Variants in MINDY4B observed in about 807,000 individuals in gnomAD.
The protein encoded by MINDY4B is inactive ubiquitin carboxyl-terminal hydrolase MINDY-4B.
A neutral mutation model predicts 16.7 loss-of-function variants in MINDY4B; 25 were observed. The ratio of observed to expected loss-of-function variants is 1.49; its 90% CI spans 1.09 to 2.09. The LOEUF is 2.09. MINDY4B is among the 30% of genes most tolerant of loss of function. The pLI is 0.00. For synonymous variants in MINDY4B, 132 were observed against 61.9 expected (o/e 2.13, Z -5.32); for missense variants, 327 against 168.4 (o/e 1.94, Z -5.21).
At position 150,905,320 on chromosome 3, in the gene MINDY4B, A is replaced by T; in HGVS notation, c.113+7T>A. ...TCTAAAGAAATGAGAGAATGAGAAC[A>T]CCTTACCTGTGATAACTAAAGATTT... On this transcript the variant is annotated splice_region_variant and intron_variant, in intron 1 of 11. Transcript: ENST00000465419. The T allele has an allele frequency of 2.5e-6, 1 of 398,542 alleles. No homozygotes were observed. Among genetic ancestry groups the T allele is most frequent in the East Asian group, 3.6e-5 (1 of 28,080 alleles). The allele number at this position is 398,542 out of a possible 1,614,324, so 24.7% of individuals were successfully genotyped here.
chr3:150,886,391 A>G (rs1711624240), intron 7 of MINDY4B, among the ~76,000 whole-genome samples: 1 of 152,246 alleles, frequency 6.6e-6, no homozygotes, highest in African/African-American at 2.4e-5. Context: ...CTCAGGTAGC[A>G]GAATAAATTC....
intron 10 of MINDY4B, among the ~76,000 whole-genome samples, chr3:150,875,305 A>C (rs1717062171): frequency 6.6e-6 from 1 of 152,232 alleles, no homozygotes; most frequent in Non-Finnish European, 1.5e-5. Context: ...TAATCAAAAT[A>C]TGTTATACAG....
intron 10 of MINDY4B, among the ~76,000 whole-genome samples, chr3:150,880,236 C>T (rs947590162): frequency 3.9e-5 from 6 of 152,180 alleles, no homozygotes; most frequent in African/African-American, 1.4e-4. Context: ...GCCAAGCCTG[C>T]CGATTTCCAG....
intron 10 of MINDY4B, among the ~76,000 whole-genome samples, chr3:150,880,018 T>C (rs1475793317): frequency 6.6e-6 from 1 of 152,252 alleles, no homozygotes; most frequent in Admixed American, 6.5e-5. Context: ...TATTATAAAG[T>C]CTTATATGTC....
At chr3:150,902,957 C>T (rs1482168254) in intron 3 of MINDY4B, among the ~76,000 whole-genome samples, 1 of 152,158 alleles carries the variant, frequency 6.6e-6, no homozygotes, top group Non-Finnish European at 1.5e-5. Flanking sequence ...TCCTATCCTA[C>T]CTTCTATAGT....
intron 11 of MINDY4B, among the ~76,000 whole-genome samples, chr3:150,872,376 C>T: frequency 6.6e-6 from 1 of 152,210 alleles, no homozygotes; most frequent in Non-Finnish European, 1.5e-5. Flanking sequence ...TGGAAGATTA[C>T]TTAATGCCAG....
In MINDY4B at chr3:150,870,511, C is replaced by G. The variant is rs1428057679; in HGVS notation, c.*534G>C. Among the ~76,000 whole-genome samples, 1 of 152,178 alleles carries G rather than the reference C, an allele frequency of 6.6e-6. No homozygotes were observed. The highest frequency in any genetic ancestry group is 6.5e-5 in the Admixed American group (1 of 15,284). On this transcript the variant is annotated 3_prime_UTR_variant, in exon 12 of 12. Transcript: ENST00000465419. ...TACCAGGAATAACCCCTGCTTCAAA[C>G]CCCAAGAAGCCCATTTACTATTTTA...
At chr3:150,903,879 G>A (rs558566796) in intron 2 of MINDY4B, among the ~76,000 whole-genome samples, 176 of 150,160 alleles carry the variant, frequency 1.2e-3, no homozygotes, top group African/African-American at 3.6e-3. Flanking sequence ...GAGTATAATC[G>A]TTCTTTTTCC....
intron 3 of MINDY4B, among the ~76,000 whole-genome samples, chr3:150,899,147 G>T (rs1271567341): frequency 6.6e-6 from 1 of 152,168 alleles, no homozygotes; most frequent in Non-Finnish European, 1.5e-5. Flanking sequence ...ATAGGTATCT[G>T]TTGAAGTTTT....
At chr3:150,889,505 C>T (rs1454289471) in intron 7 of MINDY4B, among the ~76,000 whole-genome samples, 1 of 152,238 alleles carries the variant, frequency 6.6e-6, no homozygotes, top group East Asian at 1.9e-4. Flanking sequence ...GACTAACAAC[C>T]TTAATATCCC....
intron 3 of MINDY4B, among the ~76,000 whole-genome samples, chr3:150,900,959 A>G (rs1712100786): frequency 6.6e-6 from 1 of 152,218 alleles, no homozygotes; most frequent in South Asian, 2.1e-4. Context: ...AGAGACAAAA[A>G]GGTATGTGGT....
intron 10 of MINDY4B, among the ~76,000 whole-genome samples, chr3:150,879,817 AG>A (rs1480569252): frequency 6.6e-6 from 1 of 152,198 alleles, no homozygotes; most frequent in Non-Finnish European, 1.5e-5. Context: ...ATGTGCAGTC[AG>A]GGTTGACATC....
intron 10 of MINDY4B, among the ~76,000 whole-genome samples, chr3:150,881,416 T>C (rs2107898686): frequency 6.6e-6 from 1 of 151,816 alleles, no homozygotes; most frequent in East Asian, 1.9e-4. Flanking sequence ...TATACTCATA[T>C]TTGATATTAA....
chr3:150,876,071 T>A (rs539865744), intron 10 of MINDY4B, among the ~76,000 whole-genome samples: 2 of 152,340 alleles, frequency 1.3e-5, no homozygotes, highest in South Asian at 4.1e-4. Flanking sequence ...AATTTGTGCA[T>A]GTTGCTTCAT....
At chr3:150,882,564 G>GTATATATATATATATATATATATATA (rs59302082) in intron 10 of MINDY4B, among the ~76,000 whole-genome samples, 2 of 148,016 alleles carry the variant, frequency 1.4e-5, no homozygotes, top group African/African-American at 5.0e-5. Flanking sequence ...GTGTATGTGT[G>GTATATATATATATATATATATATATA]TATATATATA....
At chr3:150,904,122 C>T (rs1712184110) in intron 2 of MINDY4B, among the ~76,000 whole-genome samples, 1 of 152,232 alleles carries the variant, frequency 6.6e-6, no homozygotes, top group Non-Finnish European at 1.5e-5. Context: ...AGAAGCACAG[C>T]ATTCAAATCA....
chr3:150,903,879 G>T (rs558566796), intron 2 of MINDY4B, among the ~76,000 whole-genome samples: 1 of 150,048 alleles, frequency 6.7e-6, no homozygotes, highest in East Asian at 2.0e-4. Context: ...GAGTATAATC[G>T]TTCTTTTTCC....
At chr3:150,883,414 CAAGATATTTT>C (rs1711556425) in intron 9 of MINDY4B, among the ~76,000 whole-genome samples, 3 of 151,396 alleles carry the variant, frequency 2.0e-5, no homozygotes, top group Admixed American at 2.0e-4. Flanking sequence ...TGGGTCTTGT[CAAGATATTTT>C]CTACTGTTGC....
At chr3:150,874,287 T>C (rs542403608) in intron 10 of MINDY4B, among the ~76,000 whole-genome samples, 25 of 152,242 alleles carry the variant, frequency 1.6e-4, no homozygotes, top group African/African-American at 6.0e-4. Flanking sequence ...ACTATTGGAA[T>C]TACTGTACCT....
Sources: gnomAD v4.1 joint callset for allele counts (sites outside exome capture counted in the v4.1 genomes callset) on GRCh38, gnomAD v4.1.1 for gene constraint, MANE v1.5 for transcripts, NCBI Gene and HGNC (gene_info 2026-07-23, HGNC 2026-07-21) for gene names.